The following WNK2 variants were observed in gnomAD, a reference collection of about 807,000 sequenced individuals.
WNK2 encodes the protein WNK lysine deficient protein kinase 2, also known as serine/threonine-protein kinase WNK2.
WNK2 carries 67 observed loss-of-function variants against 192.1 expected under a neutral mutation model. The ratio of observed to expected loss-of-function variants is 0.35; its 90% CI spans 0.29 to 0.43. WNK2 has a LOEUF of 0.43. Ranked by LOEUF, WNK2 falls within the 20% of genes least tolerant of loss-of-function variation. The pLI is 1.00. For synonymous variants in WNK2, 1,439 were observed against 1,393.9 expected (o/e 1.03, Z -0.72); for missense variants, 2,698 against 3,089.7 (o/e 0.87, Z 3.01).
intron 2 of WNK2, among the ~76,000 whole-genome samples, chr9:93,215,833 CTTTTAT>C (rs1165518987): frequency 1.3e-5 from 2 of 152,086 alleles, no homozygotes; most frequent in African/African-American, 2.4e-5. Flanking sequence ...CGTTTTTCTT[CTTTTAT>C]TTTTATTTTT....
chr9:93,185,121 C>A lies in WNK2; in HGVS notation c.192C>A (p.Gly64=), dbSNP rs748736675. 1.5e-6 allele frequency: 2 copies of A among 1,302,656 alleles called. No homozygotes were observed. The highest frequency in any genetic ancestry group is 2.0e-6 in the Non-Finnish European group (2 of 1,020,088). 80.7% of individuals were successfully genotyped at this position (1,302,656 alleles called of 1,614,324 possible). A position where few individuals can be genotyped will look rare whatever the true frequency, so the allele number is the denominator to read the frequency against. ...PPGLEAAEAP[G]PQPPQPLQRR... is the part of the protein sequence containing the mutation. ...GCTTGGAGGCAGCCGAGGCGCCGGG[C>A]CCGCAGCCCCCGCAGCCCCTGCAGC... Residue 64 remains glycine, a synonymous_variant, in exon 2 of 30, where the codon GGC becomes GGA. Coordinates refer to ENST00000427277, the MANE Select transcript of WNK2 (RefSeq NM_006648.4).
At chr9:93,289,952 T>C in intron 20 of WNK2, 26 bp from the exon 21 acceptor site, 1 of 1,551,136 alleles carries the variant, frequency 6.4e-7, no homozygotes, top group South Asian at 1.2e-5. Flanking sequence ...CTCACGGCTC[T>C]TCTCTTTTTG....
intron 19 of WNK2, among the ~76,000 whole-genome samples, chr9:93,282,693 T>C (rs1157621653): frequency 6.6e-6 from 1 of 152,096 alleles, no homozygotes; most frequent in Non-Finnish European, 1.5e-5. Flanking sequence ...ATGCATAAAA[T>C]AAAAATTAAC....
chr9:93,293,113 A>G lies in WNK2; in HGVS notation c.5648A>G (p.Asp1883Gly), dbSNP rs371412303. The part of the protein sequence containing the change: ...FHSQSSYISS[D>G]NDSELEDADI... ...TCCCAGTCGTCCTACATCAGCAGCGACAATGATTCGGAGCTCGAGGATGCT... is the reference window on the plus strand; with the variant it reads ...TCCCAGTCGTCCTACATCAGCAGCGGCAATGATTCGGAGCTCGAGGATGCT... The change falls in exon 23 of 30, where the codon GAC (aspartate) becomes GGC (glycine). Residue 1883 changes from aspartate to glycine, a missense_variant. By Grantham distance (94) the Asp-to-Gly change is moderately conservative. Transcript: ENST00000427277. 6.3e-7 allele frequency: 1 copy of G among 1,591,850 alleles called. No individual in the cohort carries two copies. Among genetic ancestry groups the G allele is most frequent in the African/African-American group, 1.4e-5 (1 of 73,962 alleles).
At chr9:93,190,423 A>G (rs1358283347) in intron 2 of WNK2, among the ~76,000 whole-genome samples, 4 of 152,212 alleles carry the variant, frequency 2.6e-5, no homozygotes, top group East Asian at 3.8e-4. Context: ...GCTGAGCTGA[A>G]TCAGGACCAG....
At chr9:93,242,856 TAGG>T (rs1327896264) in intron 7 of WNK2, among the ~76,000 whole-genome samples, 3 of 152,136 alleles carry the variant, frequency 2.0e-5, no homozygotes, top group Non-Finnish European at 4.4e-5. Context: ...AGGGCAAGGA[TAGG>T]AGGACATTTG....
chr9:93,239,208 C>T lies in WNK2; in HGVS notation c.1323-549C>T, dbSNP rs909052565. 1.3e-5 allele frequency among the ~76,000 whole-genome samples: 2 copies of T among 152,132 alleles called. No individual in the cohort carries two copies. The highest frequency in any genetic ancestry group is 1.3e-4 in the Admixed American group (2 of 15,286). ...CTTCGAGGCTGGGTCTGGCTGGGGCCCCCCCAGTTCTGCAGGTCCTCACTC... is the reference window on the plus strand; with the variant it reads ...CTTCGAGGCTGGGTCTGGCTGGGGCTCCCCCAGTTCTGCAGGTCCTCACTC... On this transcript the variant is annotated intron_variant, in intron 6 of 29. Coordinates refer to ENST00000427277, the MANE Select transcript of WNK2 (RefSeq NM_006648.4). This position sits in a 1 kb window ranked among gnomAD's most constrained non-coding sequence, Gnocchi z 4.2.
intron 8 of WNK2, 76 bp from the exon 9 acceptor site, chr9:93,252,807 A>G: frequency 3.9e-6 from 5 of 1,267,930 alleles, no homozygotes; most frequent in Non-Finnish European, 4.1e-6. Flanking sequence ...GCAGAAGAAA[A>G]TATGCAGATG....
Position 93,308,434 on chromosome 9 carries a change from G to A in WNK2, c.6366G>A (p.Thr2122=), listed in dbSNP as rs1477233628. 3.7e-6 allele frequency: 6 copies of A among 1,608,272 alleles called. No individual in the cohort carries two copies. The highest frequency in any genetic ancestry group is 5.1e-6 in the Non-Finnish European group (6 of 1,177,948). The part of the protein sequence containing the change: ...NNSNNKKGTF[T]DDLHKLVDEW... ...GCAACAACAAGAAGGGTACCTTCAC[G>A]GACGACCTGCACAAGCTGGTGGACG... is the stretch of plus-strand genomic sequence containing the variant. The change falls in exon 28 of 30, where the codon ACG becomes ACA. Residue 2122 remains threonine, a synonymous_variant. Transcript: ENST00000427277.
chr9:93,247,682 C>T lies in WNK2; in HGVS notation c.1682C>T (p.Pro561Leu), dbSNP rs541479647. The change falls in exon 8 of 30, where the codon CCG (proline) becomes CTG (leucine). Residue 561 changes from proline to leucine, a missense_variant. By Grantham distance (98) the Pro-to-Leu change is moderately conservative (BLOSUM62 -3). Transcript: ENST00000427277. The surrounding 1 kb of genome is among the most constrained non-coding windows in gnomAD (Gnocchi z 5.2). ...QPKEQQDVGS[P>L]DKARGPPVPL... ...AAGGAGCAGCAGGATGTGGGCAGCC[C>T]GGACAAGGCCAGGGGTCCGCCGGTG... The T allele has an allele frequency of 5.3e-5, 84 of 1,573,108 alleles. 1 individual carries two copies. The Admixed American group carries it at 1.1e-3, about 20-fold the overall frequency.
intron 10 of WNK2, 96 bp downstream of exon 10, chr9:93,256,550 C>T (rs928009612): frequency 7.4e-7 from 1 of 1,356,892 alleles, no homozygotes; most frequent in Non-Finnish European, 9.7e-7. Context: ...CCCACAGACC[C>T]TTCGCTCAAA....
rs762946990 is a variant in WNK2 at position 93,289,598 on chromosome 9, G to T, written c.4844G>T (p.Arg1615Leu). The change falls in exon 20 of 30, where the codon CGT becomes CTT. Residue 1615 changes from arginine (R) to leucine (L), a missense_variant. Coordinates refer to ENST00000427277, the MANE Select transcript of WNK2 (RefSeq NM_006648.4). The stretch of plus-strand genomic sequence containing the variant: ...GTGCCTAAGGAGGCGGTCTCAGGGC[G>T]TGTCCAGCTGCCCCAGCCCTTGGTG... ...PPVPKEAVSGRVQLPQPLVEK... is the reference protein window; with the variant it reads ...PPVPKEAVSGLVQLPQPLVEK... 1 of 1,490,956 alleles carries T rather than the reference G, an allele frequency of 6.7e-7. No homozygotes were observed. The highest frequency in any genetic ancestry group is 1.4e-5 in the South Asian group (1 of 73,622). The allele number at this position is 1,490,956 out of a possible 1,614,324, so 92.4% of individuals were successfully genotyped here. A position where few individuals can be genotyped will look rare whatever the true frequency, so the allele number is the denominator to read the frequency against.
In WNK2 at chr9:93,185,248, G is replaced by A. The variant is rs550649600; in HGVS notation, c.319G>A (p.Ala107Thr). ...CGCAGCGCTGGTAGCGCAGCCGGGA[G>A]CCCCCGGAGCCCCCGCGGACGCCGG... Reference protein sequence around the residue: ...APAALVAQPGAPGAPADAGPE... With the variant: ...APAALVAQPGTPGAPADAGPE... The change falls in exon 2 of 30, where the codon GCC (alanine) becomes ACC (threonine). Residue 107 changes from alanine (A) to threonine (T), a missense_variant. By Grantham distance (58) the Ala-to-Thr change is moderately conservative (BLOSUM62 0). Transcript: ENST00000427277. The A allele has an allele frequency of 6.4e-4, 793 of 1,232,716 alleles. 2 individuals are homozygous for A. The African/African-American group carries it at 0.011, about 17-fold the overall frequency. 76.4% of individuals were successfully genotyped at this position (1,232,716 alleles called of 1,614,324 possible). A position where few individuals can be genotyped will look rare whatever the true frequency, so the allele number is the denominator to read the frequency against.
chr9:93,214,359 A>C (rs1381474251), intron 2 of WNK2, among the ~76,000 whole-genome samples: 1 of 152,166 alleles, frequency 6.6e-6, no homozygotes, highest in Admixed American at 6.5e-5. Context: ...GCTGGAATGC[A>C]GTGGCATGAT....
chr9:93,213,134 T>C (rs1279504670), intron 2 of WNK2, among the ~76,000 whole-genome samples: 1 of 152,142 alleles, frequency 6.6e-6, no homozygotes, highest in Non-Finnish European at 1.5e-5. Context: ...GGAAGGGATA[T>C]AAGAGCCGTC....
chr9:93,239,462 A>G lies in WNK2; in HGVS notation c.1323-295A>G, dbSNP rs1840374613. 6.6e-6 allele frequency among the ~76,000 whole-genome samples: 1 copy of G among 152,160 alleles called. No homozygotes were observed. The highest frequency in any genetic ancestry group is 1.5e-5 in the Non-Finnish European group (1 of 68,034). The stretch of plus-strand genomic sequence containing the variant: ...GCACATCCACAGGGGCTGTATTTGC[A>G]TAATGGGAGGCCTAATGTTTTTCCA... On this transcript the variant is annotated intron_variant, in intron 6 of 29. Transcript: ENST00000427277. The surrounding 1 kb of genome is among the most constrained non-coding windows in gnomAD (Gnocchi z 4.2).
At chr9:93,223,435 G>A (rs984147117) in intron 2 of WNK2, among the ~76,000 whole-genome samples, 1 of 152,226 alleles carries the variant, frequency 6.6e-6, no homozygotes, top group Non-Finnish European at 1.5e-5. Flanking sequence ...GCTTTTCTTC[G>A]GGGGCAGGGG....
Position 93,292,840 on chromosome 9 carries a change from A to C in WNK2, c.5375A>C (p.Gln1792Pro). 1 of 1,501,308 alleles carries C rather than the reference A, an allele frequency of 6.7e-7. No individual in the cohort carries two copies. The highest frequency in any genetic ancestry group is 8.9e-7 in the Non-Finnish European group (1 of 1,124,030). The allele number at this position is 1,501,308 out of a possible 1,614,324, so 93.0% of individuals were successfully genotyped here. A position where few individuals can be genotyped will look rare whatever the true frequency, so the allele number is the denominator to read the frequency against. Residue 1792 changes from glutamine (Q) to proline (P), a missense_variant, in exon 23 of 30, where the codon CAG becomes CCG. Coordinates refer to ENST00000427277, the MANE Select transcript of WNK2 (RefSeq NM_006648.4). ...PDVKLAVRRAQTASSIEVGVG... is the reference protein window; with the variant it reads ...PDVKLAVRRAPTASSIEVGVG... The stretch of plus-strand genomic sequence containing the variant: ...GTGAAGCTGGCAGTGCGGCGGGCGC[A>C]GACGGCCTCCTCCATCGAGGTCGGC...
In WNK2 at chr9:93,258,825, C is replaced by G. The variant is rs1324039125; in HGVS notation, c.2383-106C>G. 3 of 981,706 alleles carry G rather than the reference C, an allele frequency of 3.1e-6. No individual in the cohort carries two copies. The African/African-American group carries it at 4.9e-5, about 16-fold the overall frequency. The allele number at this position is 981,706 out of a possible 1,614,324, so 60.8% of individuals were successfully genotyped here. On this transcript the variant is annotated intron_variant, in intron 11 of 29. Coordinates refer to ENST00000427277, the MANE Select transcript of WNK2 (RefSeq NM_006648.4). ...AGGGAAAGGGTCATGCTGTCTTCAT[C>G]CCGTGTCCCCTCGTCCCCAATGACT...
Sources: allele counts gnomAD v4.1 joint callset (sites outside exome capture counted in the v4.1 genomes callset), GRCh38; gene constraint gnomAD v4.1.1; non-coding constraint Gnocchi (gnomAD v3.1); transcripts MANE v1.5; gene names NCBI Gene and HGNC (gene_info 2026-07-23, HGNC 2026-07-21).